POLA1: variants seen among roughly 807,000 people sequenced by gnomAD.
POLA1 encodes the protein DNA polymerase alpha 1, catalytic subunit.
POLA1 carries 15 observed loss-of-function variants against 124.0 expected under a neutral mutation model. The ratio of observed to expected loss-of-function variants is 0.12; its 90% CI spans 0.08 to 0.19. The LOEUF (loss-of-function observed/expected upper bound fraction) is 0.19. Among genes scored for constraint, POLA1 ranks in the 10% least tolerant of loss-of-function variants. The probability of loss-of-function intolerance (pLI) is 1.00; values close to 1 mark genes in which losing one functional copy is unlikely to be tolerated. For missense variants in POLA1, 886 were observed against 1,103.4 expected (o/e 0.80, Z 2.79); for synonymous variants, 408 against 389.4 (o/e 1.05, Z -0.56).
intron 34 of POLA1, among the ~76,000 whole-genome samples, chrX:24,881,082 G>A (rs771487067): frequency 6.4e-4 from 72 of 111,758 alleles, no homozygotes; most frequent in African/African-American, 2.2e-3. Context: ...CTGTTTTGCC[G>A]TCTATATCTT....
chrX:24,742,082 G>A lies in POLA1; in HGVS notation c.2427G>A (p.Val809=), dbSNP rs770951388. 1.7e-6 allele frequency: 2 copies of A among 1,201,667 alleles called. No individual in the cohort carries two copies. The highest frequency in any genetic ancestry group is 3.5e-5 in the African/African-American group (2 of 56,368). Residue 809 remains valine, a synonymous_variant, in exon 22 of 37, where the codon GTG becomes GTA. Transcript: ENST00000379068. ...CATTTTACGAAAACAACTATATTGT[G>A]CCTGACAAGCAGATTTTCAGAAAGC... ...LHAFYENNYI[V]PDKQIFRKPQ... is the part of the protein sequence containing the mutation.
chrX:24,892,389 G>A lies in POLA1; in HGVS notation c.4164+4267G>A, dbSNP rs141578678. Among the ~76,000 whole-genome samples the A allele has an allele frequency of 7.6e-4, 84 of 111,192 alleles. 1 individual carries two copies. The South Asian group carries it at 0.03, about 40-fold the overall frequency. On this transcript the variant is annotated intron_variant, in intron 35 of 36. Coordinates refer to ENST00000379068, the MANE Select transcript of POLA1 (RefSeq NM_001330360.2). Reference sequence around the variant, plus strand: ...ATACCCATGTAACAAACATGTACACGTACCCTCTGAATCTAAAATAAAAGT... The same window carrying A: ...ATACCCATGTAACAAACATGTACACATACCCTCTGAATCTAAAATAAAAGT...
At position 24,862,318 on chromosome X, in the gene POLA1, G is replaced by A. The variant is rs766503681; in HGVS notation, c.4047+18641G>A. On this transcript the variant is annotated intron_variant, in intron 34 of 36. Transcript: ENST00000379068. The stretch of plus-strand genomic sequence containing the variant: ...TGCCTTTCTCACTGATTAATATTAG[G>A]AAGAGGTCTGGTCAGGTCTTGTTGA... Among the ~76,000 whole-genome samples the A allele has an allele frequency of 4.5e-5, 5 of 111,910 alleles. No individual in the cohort carries two copies. In the South Asian group the frequency reaches 1.5e-3, roughly 33 times the overall value.
chrX:24,927,459 C>CA (rs1291005515), intron 35 of POLA1, among the ~76,000 whole-genome samples: 1 of 111,825 alleles, frequency 8.9e-6, no homozygotes, highest in African/African-American at 3.3e-5. Context: ...TCTTTCCTTA[C>CA]CCCTGTGTGT....
intron 11 of POLA1, among the ~76,000 whole-genome samples, chrX:24,724,134 T>C (rs1387170766): frequency 1.8e-5 from 2 of 112,569 alleles, no homozygotes; most frequent in Non-Finnish European, 3.7e-5. Context: ...TTTTTTATGA[T>C]GCCATTGGGA....
intron 36 of POLA1, among the ~76,000 whole-genome samples, chrX:24,983,271 T>G (rs575749099): frequency 8.9e-6 from 1 of 112,372 alleles, no homozygotes; most frequent in Admixed American, 9.4e-5. Flanking sequence ...TAATTCATGT[T>G]TCTATGGGTA....
At chrX:24,714,951 A>G (rs746679818) in intron 5 of POLA1, among the ~76,000 whole-genome samples, 190 bp from the exon 6 acceptor site, 37 of 112,317 alleles carry the variant, frequency 3.3e-4, no homozygotes, top group Non-Finnish European at 5.1e-4. Flanking sequence ...GATGGGAGCT[A>G]TAGATGTAGG....
chrX:24,820,174 T>C (rs2046064533), intron 30 of POLA1, among the ~76,000 whole-genome samples: 1 of 111,885 alleles, frequency 8.9e-6, no homozygotes. Context: ...TGCATGGTGG[T>C]GAAGAATACA....
chrX:24,978,468 A>T (rs1173014457), intron 36 of POLA1, among the ~76,000 whole-genome samples: 4 of 112,157 alleles, frequency 3.6e-5, no homozygotes, highest in Admixed American at 9.4e-5. Context: ...ATTCTAGATG[A>T]TACCCACAGT....
chrX:24,741,956 G>A (rs761894152), intron 21 of POLA1, 46 bp from the exon 22 acceptor site: 2 of 1,133,456 alleles, frequency 1.8e-6, no homozygotes, highest in Non-Finnish European at 2.4e-6. Context: ...GCTTTTGTTA[G>A]TTGTGGTTTT....
chrX:24,776,353 C>T (rs1358845736), intron 26 of POLA1, among the ~76,000 whole-genome samples: 1 of 111,556 alleles, frequency 9.0e-6, no homozygotes, highest in Non-Finnish European at 1.9e-5. Flanking sequence ...TCCTCTTTTT[C>T]CCAGTTTAGT....
chrX:24,983,427 C>A (rs1442672122), intron 36 of POLA1, among the ~76,000 whole-genome samples: 6 of 112,290 alleles, frequency 5.3e-5, no homozygotes, highest in African/African-American at 1.6e-4. Flanking sequence ...ACATGACACC[C>A]AGTCAGTACT....
At chrX:24,784,823 C>T (rs181821123) in intron 26 of POLA1, among the ~76,000 whole-genome samples, 1 of 112,121 alleles carries the variant, frequency 8.9e-6, no homozygotes, top group Non-Finnish European at 1.9e-5. Flanking sequence ...GCTTCTTTAC[C>T]CTTCAGTGGA....
rs1390981303 is a variant in POLA1 at position 24,708,663 on chromosome X, G to C, written c.346+4194G>C. ...CCGCCCTTAATCCATTTAACCCTGA[G>C]TGGACACAGCACATGTTTCAGAGAG... is the stretch of plus-strand genomic sequence containing the variant. On this transcript the variant is annotated intron_variant, in intron 4 of 36. Transcript: ENST00000379068. Among the ~76,000 whole-genome samples the C allele has an allele frequency of 1.4e-4, 7 of 49,179 alleles. No homozygotes were observed. In the Admixed American group the frequency reaches 1.6e-3, roughly 11 times the overall value. The allele number at this position is 49,179 out of a possible 115,157, so 42.7% of individuals were successfully genotyped here. A position where few individuals can be genotyped will look rare whatever the true frequency, so the allele number is the denominator to read the frequency against.
chrX:24,694,813 C>G (rs1366321593), intron 1 of POLA1, among the ~76,000 whole-genome samples: 1 of 112,552 alleles, frequency 8.9e-6, no homozygotes, highest in Admixed American at 9.4e-5. Flanking sequence ...CCTCTCCTGT[C>G]ATTCAGATAC....
intron 35 of POLA1, among the ~76,000 whole-genome samples, chrX:24,897,362 C>G (rs1047863042): frequency 5.6e-4 from 58 of 103,371 alleles, no homozygotes; most frequent in Non-Finnish European, 9.7e-4. Flanking sequence ...TCACTGCCCC[C>G]CCCCCCACCA....
intron 35 of POLA1, among the ~76,000 whole-genome samples, chrX:24,894,244 C>T (rs924120955): frequency 8.9e-6 from 1 of 112,186 alleles, no homozygotes; most frequent in Non-Finnish European, 1.9e-5. Flanking sequence ...TAGTAAATTT[C>T]TGTTAAGTCT....
intron 26 of POLA1, among the ~76,000 whole-genome samples, chrX:24,785,131 C>A (rs1332965090): frequency 2.7e-5 from 3 of 112,022 alleles, no homozygotes; most frequent in Admixed American, 9.5e-5. Context: ...TAATTCAGTA[C>A]GATAATAAAT....
chrX:24,720,010 C>T (rs1316253151), intron 10 of POLA1, among the ~76,000 whole-genome samples: 2 of 110,731 alleles, frequency 1.8e-5, no homozygotes, highest in Non-Finnish European at 3.8e-5. Context: ...AAAAAAAAAT[C>T]CTCAGTGGCT....
Sources: gnomAD v4.1 joint callset for allele counts (sites outside exome capture counted in the v4.1 genomes callset) on GRCh38, gnomAD v4.1.1 for gene constraint, MANE v1.5 for transcripts, NCBI Gene and HGNC (gene_info 2026-07-23, HGNC 2026-07-21) for gene names.